The following CTNNA2 variants were observed in gnomAD, a reference collection of about 807,000 sequenced individuals.
CTNNA2 encodes catenin alpha 2.
Under a neutral mutation model 101.0 loss-of-function variants are expected in CTNNA2, and 42 were observed. The ratio of observed to expected loss-of-function variants is 0.42; its 90% CI spans 0.32 to 0.54. The LOEUF (loss-of-function observed/expected upper bound fraction) is 0.54, where lower values mean the gene tolerates loss of function less well. CTNNA2 is among the 20% of genes least tolerant of loss of function. The pLI is 0.14. For synonymous variants in CTNNA2, 450 were observed against 456.4 expected, an observed-to-expected ratio of 0.99 and a Z score of 0.18; for missense variants, 871 against 1,223.1, an observed-to-expected ratio of 0.71 and a Z score of 4.29.
At chr2:79,760,282 A>G (rs1238800414) in intron 3 of CTNNA2, among the ~76,000 whole-genome samples, 1 of 131,350 alleles carries the variant, frequency 7.6e-6, no homozygotes, top group Non-Finnish European at 1.5e-5. Flanking sequence ...TATATTACAT[A>G]TAAAATGTGT....
intron 7 of CTNNA2, among the ~76,000 whole-genome samples, chr2:80,144,681 G>A (rs1472877358): frequency 6.6e-6 from 1 of 152,092 alleles, no homozygotes; most frequent in East Asian, 1.9e-4. Context: ...TAATCCAGTT[G>A]TATTTGTCTG....
chr2:79,573,488 AG>A (rs1675593636), intron 1 of CTNNA2, among the ~76,000 whole-genome samples: 1 of 152,244 alleles, frequency 6.6e-6, no homozygotes, highest in African/African-American at 2.4e-5. Flanking sequence ...CAGAAGCCAT[AG>A]TGAAACAGAT....
At chr2:79,206,218 A>T (rs1003952942) in intron 2 of CTNNA2, among the ~76,000 whole-genome samples, 4 of 152,114 alleles carry the variant, frequency 2.6e-5, no homozygotes, top group Admixed American at 6.6e-5. Context: ...GGATACAAAG[A>T]GTGCCCAGTT....
At chr2:80,012,865 A>G (rs1348035500) in intron 7 of CTNNA2, among the ~76,000 whole-genome samples, 1 of 152,202 alleles carries the variant, frequency 6.6e-6, no homozygotes, top group African/African-American at 2.4e-5. Context: ...ATGCTCTTCT[A>G]AAATTTAAAA....
At chr2:79,597,194 C>T (rs1262032968) in intron 1 of CTNNA2, among the ~76,000 whole-genome samples, 2 of 151,980 alleles carry the variant, frequency 1.3e-5, no homozygotes, top group East Asian at 3.9e-4. Context: ...TGCCCCCGTC[C>T]GGGCGCGGTG....
intron 8 of CTNNA2, among the ~76,000 whole-genome samples, chr2:80,413,127 A>T (rs1390286546): frequency 6.6e-6 from 1 of 152,184 alleles, no homozygotes; most frequent in African/African-American, 2.4e-5. Flanking sequence ...CAGCACTCAC[A>T]GAGAAAAAAA....
intron 9 of CTNNA2, among the ~76,000 whole-genome samples, chr2:80,476,225 C>T (rs149317767): frequency 1.3e-5 from 2 of 152,216 alleles, no homozygotes; most frequent in East Asian, 1.9e-4. Context: ...TCTGAGAAGT[C>T]GGGCTGGAGC....
intron 7 of CTNNA2, among the ~76,000 whole-genome samples, chr2:79,914,156 G>A: frequency 8.9e-6 from 1 of 112,348 alleles, no homozygotes. Flanking sequence ...GACAGAGCGA[G>A]ACTCCGTCTC....
intron 7 of CTNNA2, among the ~76,000 whole-genome samples, chr2:80,178,943 G>T (rs1455114352): frequency 6.6e-6 from 1 of 152,176 alleles, no homozygotes; most frequent in Admixed American, 6.5e-5. Context: ...TCACTCACTG[G>T]ATCCAATCAG....
chr2:79,635,093 A>G (rs1177818464), intron 1 of CTNNA2, among the ~76,000 whole-genome samples: 1 of 152,158 alleles, frequency 6.6e-6, no homozygotes, highest in Non-Finnish European at 1.5e-5. Flanking sequence ...ATAATCTAAT[A>G]AAGAAATGCC....
intron 8 of CTNNA2, among the ~76,000 whole-genome samples, chr2:80,410,207 G>C (rs973832021): frequency 3.9e-5 from 6 of 152,212 alleles, no homozygotes; most frequent in Non-Finnish European, 8.8e-5. Flanking sequence ...CCAATAGGTA[G>C]ACAACTTTTG....
At chr2:80,369,613 C>A (rs1232799541) in intron 7 of CTNNA2, among the ~76,000 whole-genome samples, 2 of 152,038 alleles carry the variant, frequency 1.3e-5, no homozygotes, top group East Asian at 3.8e-4. Context: ...AATATGTTAC[C>A]TTATATGGAA....
At chr2:79,343,308 T>C (rs992858088) in intron 3 of CTNNA2, among the ~76,000 whole-genome samples, 1 of 152,092 alleles carries the variant, frequency 6.6e-6, no homozygotes, top group African/African-American at 2.4e-5. Context: ...AAAAATAGGA[T>C]ATTTATCCCA....
intron 7 of CTNNA2, among the ~76,000 whole-genome samples, chr2:80,257,047 G>A (rs1202555931): frequency 2.6e-5 from 4 of 151,950 alleles, no homozygotes; most frequent in East Asian, 3.9e-4. Context: ...AGTTAAAATC[G>A]ACGTATCATG....
In CTNNA2 at chr2:80,161,335, T is replaced by C. The variant is rs138805854; in HGVS notation, c.1057-231876T>C. 9.9e-5 allele frequency among the ~76,000 whole-genome samples: 15 copies of C among 152,182 alleles called. No individual in the cohort carries two copies. The East Asian group carries it at 2.9e-3, about 29-fold the overall frequency. On this transcript the variant is annotated intron_variant, in intron 7 of 18. Coordinates refer to ENST00000402739, the MANE Select transcript of CTNNA2 (RefSeq NM_001282597.3). ...ACAGCCCTTAGCTTATCATTATTAT[T>C]ATTATTTTATATTTTCAGTATATTA...
intron 4 of CTNNA2, among the ~76,000 whole-genome samples, chr2:79,445,343 A>G (rs1678821311): frequency 6.6e-6 from 1 of 152,168 alleles, no homozygotes. Flanking sequence ...AGTTTTGCAG[A>G]GTTCTGATCT....
At chr2:80,574,769 T>G (rs1176887717) in intron 13 of CTNNA2, among the ~76,000 whole-genome samples, 2 of 152,170 alleles carry the variant, frequency 1.3e-5, no homozygotes, top group Non-Finnish European at 2.9e-5. Flanking sequence ...TAAAAATAAT[T>G]CAGACATTAT....
At chr2:79,222,197 G>C (rs149903006) in intron 2 of CTNNA2, among the ~76,000 whole-genome samples, 46 of 152,168 alleles carry the variant, frequency 3.0e-4, no homozygotes, top group African/African-American at 1.1e-3. Flanking sequence ...CCAGGCAGGC[G>C]ATATAAAGGC....
chr2:80,195,743 A>T (rs1158474871), intron 7 of CTNNA2, among the ~76,000 whole-genome samples: 3 of 151,948 alleles, frequency 2.0e-5, no homozygotes, highest in African/African-American at 7.2e-5. Context: ...CCTGATATTC[A>T]TGGAATGACA....
Sources: gnomAD v4.1 joint callset for allele counts (sites outside exome capture counted in the v4.1 genomes callset) on GRCh38, gnomAD v4.1.1 for gene constraint, MANE v1.5 for transcripts, NCBI Gene and HGNC (gene_info 2026-07-23, HGNC 2026-07-21) for gene names.